The following SIK2 variants were observed in gnomAD, a reference collection of about 807,000 sequenced individuals.
The protein encoded by SIK2 is serine/threonine-protein kinase SIK2.
A neutral mutation model predicts 103.2 loss-of-function variants in SIK2; 29 were observed. The ratio of observed to expected loss-of-function variants is 0.28; its 90% CI spans 0.21 to 0.38. SIK2 has a LOEUF of 0.38. Among genes scored for constraint, SIK2 ranks in the 10% least tolerant of loss-of-function variants. SIK2 has a pLI of 1.00. For synonymous variants in SIK2, 412 were observed against 446.1 expected (o/e 0.92, Z 0.96); for missense variants, 879 against 1,171.0 (o/e 0.75, Z 3.64).
At chr11:111,627,882 C>T (rs1165614787) in intron 3 of SIK2, among the ~76,000 whole-genome samples, 2 of 152,220 alleles carry the variant, frequency 1.3e-5, no homozygotes, top group Non-Finnish European at 2.9e-5. Flanking sequence ...TTTCCCCAGT[C>T]ATCACCCTGC....
intron 3 of SIK2, among the ~76,000 whole-genome samples, chr11:111,635,099 A>C (rs965907479): frequency 1.3e-5 from 2 of 152,178 alleles, no homozygotes; most frequent in African/African-American, 4.8e-5. Flanking sequence ...ACTAGTAACC[A>C]CATGAAAGAG....
rs1380111221 is a variant in SIK2 at position 111,723,691 on chromosome 11, C to T, written c.2343C>T (p.Ser781=). 1.2e-6 allele frequency: 2 copies of T among 1,614,194 alleles called. No individual in the cohort carries two copies. Among genetic ancestry groups the T allele is most frequent in the South Asian group, 2.2e-5 (2 of 91,078 alleles). Residue 781 remains serine (S), a synonymous_variant, in exon 15 of 15, where the codon TCC becomes TCT. Transcript: ENST00000304987. ...CCCTGAGCCCCGTCCTGGAGCCTTC[C>T]TCCGAGCAGATGCAATACAGCCCTT... The part of the protein sequence containing the change: ...TQPLSPVLEP[S]SEQMQYSPFL...
At chr11:111,639,887 C>A (rs996243396) in intron 3 of SIK2, among the ~76,000 whole-genome samples, 1 of 152,078 alleles carries the variant, frequency 6.6e-6, no homozygotes, top group African/African-American at 2.4e-5. Context: ...TGAATGCTTC[C>A]TTTTTTTCCC....
At chr11:111,657,105 A>T (rs1042952009) in intron 3 of SIK2, among the ~76,000 whole-genome samples, 1 of 152,246 alleles carries the variant, frequency 6.6e-6, no homozygotes, top group Non-Finnish European at 1.5e-5. Context: ...ACATATTTAC[A>T]TAACAAAGCT....
chr11:111,666,832 G>A (rs930435607), intron 3 of SIK2, among the ~76,000 whole-genome samples: 4 of 152,054 alleles, frequency 2.6e-5, no homozygotes, highest in Non-Finnish European at 5.9e-5. Context: ...CATAATAATA[G>A]CAGAGAGCAG....
intron 3 of SIK2, among the ~76,000 whole-genome samples, chr11:111,676,623 AT>A (rs1256457754): frequency 6.6e-6 from 1 of 152,198 alleles, no homozygotes; most frequent in African/African-American, 2.4e-5. Flanking sequence ...TTGCCCTTTG[AT>A]TTATGAATGA....
At chr11:111,618,430 C>T (rs1396406193) in intron 2 of SIK2, among the ~76,000 whole-genome samples, 1 of 152,086 alleles carries the variant, frequency 6.6e-6, no homozygotes, top group Non-Finnish European at 1.5e-5. Context: ...TGATATGCCT[C>T]CTGAGAATGA....
chr11:111,693,076 G>A (rs1282672422), intron 4 of SIK2, among the ~76,000 whole-genome samples: 1 of 152,130 alleles, frequency 6.6e-6, no homozygotes, highest in Non-Finnish European at 1.5e-5. Flanking sequence ...GCTCACGCCT[G>A]TAATCCCAGC....
intron 8 of SIK2, among the ~76,000 whole-genome samples, chr11:111,706,817 G>C (rs373274566): frequency 2.0e-5 from 3 of 151,818 alleles, no homozygotes; most frequent in Non-Finnish European, 4.4e-5. Flanking sequence ...AAAATTAGCC[G>C]AGTGTGGCAG....
chr11:111,622,163 A>C (rs1025382793), intron 3 of SIK2, among the ~76,000 whole-genome samples: 9 of 151,758 alleles, frequency 5.9e-5, no homozygotes, highest in African/African-American at 2.2e-4. Flanking sequence ...TCTATTTATC[A>C]ATGCAGCTAC....
Position 111,688,194 on chromosome 11 carries a change from C to G in SIK2, c.478+32C>G. ...GGGACACAACTGGCTCTAATAAGATCCGAAGTGAGCCACTGCACTCAGTGT... is the reference window on the plus strand; with the variant it reads ...GGGACACAACTGGCTCTAATAAGATGCGAAGTGAGCCACTGCACTCAGTGT... On this transcript the variant is annotated intron_variant, in intron 4 of 14. Transcript: ENST00000304987. This position sits in a 1 kb window ranked among gnomAD's most constrained non-coding sequence, Gnocchi z 4.2. The G allele has an allele frequency of 6.2e-7, 1 of 1,611,578 alleles. No individual in the cohort carries two copies. Among genetic ancestry groups the G allele is most frequent in the South Asian group, 1.1e-5 (1 of 90,914 alleles).
At chr11:111,681,312 C>G (rs1003200940) in intron 3 of SIK2, among the ~76,000 whole-genome samples, 7 of 152,104 alleles carry the variant, frequency 4.6e-5, no homozygotes, top group African/African-American at 1.7e-4. Context: ...GAGCAGAAGG[C>G]CCAAGGCCAG....
chr11:111,624,296 A>AT (rs1394539554), intron 3 of SIK2, among the ~76,000 whole-genome samples: 3 of 152,086 alleles, frequency 2.0e-5, no homozygotes, highest in African/African-American at 7.2e-5. Flanking sequence ...CTTTTGCTTA[A>AT]TTTTTTCTTT....
At chr11:111,670,069 G>A (rs1260107606) in intron 3 of SIK2, among the ~76,000 whole-genome samples, 2 of 151,760 alleles carry the variant, frequency 1.3e-5, no homozygotes, top group Admixed American at 6.6e-5. Flanking sequence ...ATTCTCCTCC[G>A]ACTATTTTGA....
intron 1 of SIK2, among the ~76,000 whole-genome samples, chr11:111,609,027 C>T (rs1371633861): frequency 6.6e-6 from 1 of 151,840 alleles, no homozygotes. Flanking sequence ...TTTTAATTAA[C>T]AAATACATGT....
At chr11:111,628,436 T>TTCTTTCTTTCTTTCTTTCTTTCTTTCTA (rs1941991727) in intron 3 of SIK2, among the ~76,000 whole-genome samples, 1 of 148,780 alleles carries the variant, frequency 6.7e-6, no homozygotes, top group Non-Finnish European at 1.5e-5. Flanking sequence ...CTTTCTTTCT[T>TTCTTTCTTTCTTTCTTTCTTTCTTTCTA]TCTTTCTTTC....
intron 3 of SIK2, among the ~76,000 whole-genome samples, chr11:111,658,002 A>G (rs576006482): frequency 2.0e-5 from 3 of 152,292 alleles, no homozygotes; most frequent in Middle Eastern, 6.8e-3. Context: ...TGGAAGAGCT[A>G]TTAAGAATAT....
chr11:111,674,249 G>A (rs1942671166), intron 3 of SIK2, among the ~76,000 whole-genome samples: 1 of 152,044 alleles, frequency 6.6e-6, no homozygotes, highest in African/African-American at 2.4e-5. Context: ...CCTTGATTTA[G>A]GAGTTAGCCA....
chr11:111,659,148 T>C (rs1437534433), intron 3 of SIK2, among the ~76,000 whole-genome samples: 1 of 152,256 alleles, frequency 6.6e-6, no homozygotes, highest in East Asian at 1.9e-4. Flanking sequence ...ATCTTCTTTA[T>C]TAAGTTTTAC....
Sources: gnomAD v4.1 joint callset for allele counts (sites outside exome capture counted in the v4.1 genomes callset) on GRCh38, gnomAD v4.1.1 for gene constraint, Gnocchi (gnomAD v3.1) non-coding constraint, MANE v1.5 for transcripts, NCBI Gene and HGNC (gene_info 2026-07-23, HGNC 2026-07-21) for gene names.